The following DOK5 variants were observed in gnomAD, a reference collection of about 807,000 sequenced individuals.
DOK5 encodes downstream of tyrosine kinase 5.
DOK5 carries 27 observed loss-of-function variants against 43.3 expected under a neutral mutation model. The observed-to-expected ratio is 0.62, with a 90% CI of 0.46 to 0.86. The LOEUF (loss-of-function observed/expected upper bound fraction) is 0.86, where lower values mean the gene tolerates loss of function less well. Ranked by LOEUF, DOK5 falls within the 40% of genes least tolerant of loss-of-function variation. The pLI, the probability that DOK5 is intolerant of heterozygous loss-of-function variation, is 0.00. For synonymous variants in DOK5, 146 were observed against 140.1 expected (o/e 1.04, Z -0.30); for missense variants, 373 against 392.9 (o/e 0.95, Z 0.43).
At chr20:54,587,903 T>C (rs1245955236) in intron 2 of DOK5, among the ~76,000 whole-genome samples, 1 of 152,188 alleles carries the variant, frequency 6.6e-6, no homozygotes, top group Non-Finnish European at 1.5e-5. Flanking sequence ...AAATTCATTA[T>C]GTACTTTCTA....
At chr20:54,590,450 A>G (rs1249648141) in intron 4 of DOK5, among the ~76,000 whole-genome samples, 3 of 152,170 alleles carry the variant, frequency 2.0e-5, no homozygotes, top group African/African-American at 7.2e-5. Context: ...CTAAGCAAAT[A>G]GATTGATAAT....
chr20:54,553,139 C>T (rs1181022506), intron 1 of DOK5, among the ~76,000 whole-genome samples: 5 of 152,174 alleles, frequency 3.3e-5, no homozygotes, highest in Admixed American at 2.0e-4. Context: ...AGCAGCCACC[C>T]GTCTGCACTT....
intron 1 of DOK5, among the ~76,000 whole-genome samples, chr20:54,535,934 A>AG (rs1227707099): frequency 2.6e-5 from 4 of 152,176 alleles, no homozygotes; most frequent in African/African-American, 9.7e-5. Flanking sequence ...TTTTGATCCA[A>AG]GGGCCTCATT....
intron 1 of DOK5, among the ~76,000 whole-genome samples, chr20:54,499,278 G>T (rs1026600128): frequency 1.3e-5 from 2 of 152,096 alleles, no homozygotes; most frequent in African/African-American, 4.8e-5. Flanking sequence ...ATCCTTTAAG[G>T]CATGTGTTAT....
chr20:54,611,630 C>T (rs1198271699), intron 6 of DOK5, among the ~76,000 whole-genome samples: 1 of 152,064 alleles, frequency 6.6e-6, no homozygotes, highest in Non-Finnish European at 1.5e-5. Flanking sequence ...TTCATGAAAT[C>T]ATAAATCATA....
chr20:54,548,965 T>C (rs910305789), intron 1 of DOK5, among the ~76,000 whole-genome samples: 1 of 152,212 alleles, frequency 6.6e-6, no homozygotes, highest in Non-Finnish European at 1.5e-5. Flanking sequence ...ACGGATTACA[T>C]TTCTCCTTCA....
intron 1 of DOK5, 139 bp downstream of exon 1, chr20:54,476,151 G>A (rs1981415928): frequency 2.6e-6 from 4 of 1,524,814 alleles, no homozygotes; most frequent in Non-Finnish European, 3.5e-6. Context: ...CGAAACCCGC[G>A]TCTCCGGGGC....
rs151048639 is a variant in DOK5, at chr20:54,554,344, T to C, written c.67-589T>C. 6.6e-5 allele frequency among the ~76,000 whole-genome samples: 10 copies of C among 152,360 alleles called. No individual in the cohort carries two copies. The East Asian group carries it at 1.7e-3, about 26-fold the overall frequency. ...ATGGCCAACAACTTCTGTTTAAACC[T>C]ACCAGCATTGACCTTTCAATTTGGT... On this transcript the variant is annotated intron_variant, in intron 1 of 7. Transcript: ENST00000262593.
At chr20:54,497,042 G>C (rs914899992) in intron 1 of DOK5, among the ~76,000 whole-genome samples, 1 of 152,110 alleles carries the variant, frequency 6.6e-6, no homozygotes, top group Non-Finnish European at 1.5e-5. Context: ...TTCTGGACAC[G>C]TTACTTAACC....
At chr20:54,496,479 A>G (rs1020150978) in intron 1 of DOK5, among the ~76,000 whole-genome samples, 1 of 152,216 alleles carries the variant, frequency 6.6e-6, no homozygotes, top group Non-Finnish European at 1.5e-5. Context: ...CTTGAGAAGA[A>G]AAAAAGAGCT....
intron 1 of DOK5, among the ~76,000 whole-genome samples, chr20:54,476,431 A>G (rs1220717058): frequency 1.3e-5 from 2 of 152,144 alleles, no homozygotes; most frequent in Non-Finnish European, 2.9e-5. Flanking sequence ...GAGGACACGC[A>G]TACTCGGTGT....
chr20:54,532,154 G>T (rs1983795084), intron 1 of DOK5, among the ~76,000 whole-genome samples: 1 of 152,138 alleles, frequency 6.6e-6, no homozygotes, highest in Non-Finnish European at 1.5e-5. Context: ...TCCAGGCCTT[G>T]TTCTAAGGTG....
chr20:54,475,856 C>A lies in DOK5; in HGVS notation c.-91C>A, dbSNP rs547896444. ...CTTCACCTCTCCAACTTTCTCCCAC[C>A]GACTGCTTGTCTTGACCCTGCCCTC... is the stretch of plus-strand genomic sequence containing the variant. On this transcript the variant is annotated 5_prime_UTR_variant, in exon 1 of 8. Coordinates refer to ENST00000262593, the MANE Select transcript of DOK5 (RefSeq NM_018431.5). The surrounding 1 kb of genome is among the most constrained non-coding windows in gnomAD (Gnocchi z 4.2). The A allele has an allele frequency of 6.6e-7, 1 of 1,510,538 alleles. No individual in the cohort carries two copies. The highest frequency in any genetic ancestry group is 1.4e-5 in the African/African-American group (1 of 73,314). The allele number at this position is 1,510,538 out of a possible 1,614,324, so 93.6% of individuals were successfully genotyped here. A position where few individuals can be genotyped will look rare whatever the true frequency, so the allele number is the denominator to read the frequency against.
At chr20:54,541,830 C>A (rs1345165343) in intron 1 of DOK5, among the ~76,000 whole-genome samples, 1 of 152,188 alleles carries the variant, frequency 6.6e-6, no homozygotes, top group Non-Finnish European at 1.5e-5. Flanking sequence ...TATCTTCAAG[C>A]TTCTTTATTC....
chr20:54,623,754 T>A (rs1987056688), intron 6 of DOK5, among the ~76,000 whole-genome samples: 1 of 152,036 alleles, frequency 6.6e-6, no homozygotes, highest in South Asian at 2.1e-4. Context: ...TAATTTTTTG[T>A]ATTTTTAGTA....
At chr20:54,602,010 T>C (rs1986313308) in intron 5 of DOK5, among the ~76,000 whole-genome samples, 1 of 152,170 alleles carries the variant, frequency 6.6e-6, no homozygotes, top group African/African-American at 2.4e-5. Context: ...TCCATTCCCA[T>C]ACTTCTTAGT....
At chr20:54,483,193 A>G (rs1428023055) in intron 1 of DOK5, among the ~76,000 whole-genome samples, 1 of 152,232 alleles carries the variant, frequency 6.6e-6, no homozygotes, top group Non-Finnish European at 1.5e-5. Context: ...GTATATAGAC[A>G]TAAACCAAAT....
rs761687987 is a variant in DOK5 at position 54,651,084 on chromosome 20, C to A, written c.*605C>A. 1 of 152,234 alleles carries A rather than the reference C, an allele frequency of 6.6e-6. No homozygotes were observed. The highest frequency in any genetic ancestry group is 1.5e-5 in the Non-Finnish European group (1 of 68,074). The allele number at this position is 152,234 out of a possible 1,614,324, so 9.4% of individuals were successfully genotyped here. A position where few individuals can be genotyped will look rare whatever the true frequency, so the allele number is the denominator to read the frequency against. On this transcript the variant is annotated 3_prime_UTR_variant, in exon 8 of 8. Coordinates refer to ENST00000262593, the MANE Select transcript of DOK5 (RefSeq NM_018431.5). ...CAGTTTCTCTCACATGCTTTCCTCA[C>A]CCCTTTACCCCCCTTTTTGAAAGCC...
At chr20:54,491,435 C>T (rs981951675) in intron 1 of DOK5, among the ~76,000 whole-genome samples, 1 of 152,156 alleles carries the variant, frequency 6.6e-6, no homozygotes, top group Non-Finnish European at 1.5e-5. Flanking sequence ...TTGTGTGATT[C>T]TTGATTCTTG....
Sources: allele counts gnomAD v4.1 joint callset (sites outside exome capture counted in the v4.1 genomes callset), GRCh38; gene constraint gnomAD v4.1.1; non-coding constraint Gnocchi (gnomAD v3.1); transcripts MANE v1.5; gene names NCBI Gene and HGNC (gene_info 2026-07-23, HGNC 2026-07-21).